The following PTTG1IP variants were observed in gnomAD, a reference collection of about 807,000 sequenced individuals.
PTTG1IP encodes the protein PTTG1 interacting protein, also known as pituitary tumor-transforming gene 1 protein-interacting protein.
In PTTG1IP, 16 loss-of-function variants were observed where a neutral mutation model predicts 24.4. The observed-to-expected ratio is 0.66, with a 90% confidence interval of 0.44 to 1.00. The LOEUF (loss-of-function observed/expected upper bound fraction) is 1.00. Ranked by LOEUF, PTTG1IP falls within the 50% of genes least tolerant of loss-of-function variation. The pLI, the probability that PTTG1IP is intolerant of heterozygous loss-of-function variation, is 0.00. For synonymous variants in PTTG1IP, 89 were observed against 96.8 expected (o/e 0.92, Z 0.47); for missense variants, 241 against 245.8 (o/e 0.98, Z 0.13).
At chr21:44,859,768 C>T (rs956961002) in intron 3 of PTTG1IP, among the ~76,000 whole-genome samples, 1 of 152,180 alleles carries the variant, frequency 6.6e-6, no homozygotes, top group African/African-American at 2.4e-5. Context: ...ACTACAACCA[C>T]CACCACCACA....
At position 44,861,082 on chromosome 21, in the gene PTTG1IP, G is replaced by A. The variant is rs8129155; in HGVS notation, c.277+81C>T. 17,674 of 1,235,946 alleles carry A rather than the reference G, an allele frequency of 0.014. 1,908 individuals carry two copies. The African/African-American group carries it at 0.23, about 16-fold the overall frequency. The allele number at this position is 1,235,946 out of a possible 1,614,324, so 76.6% of individuals were successfully genotyped here. Reference sequence around the variant, plus strand: ...CTCCCAAAGTGCTGGGATTACAGACGTGAGCCACCGCGCCCGGCCCATACT... The same window carrying A: ...CTCCCAAAGTGCTGGGATTACAGACATGAGCCACCGCGCCCGGCCCATACT... On this transcript the variant is annotated intron_variant, in intron 3 of 5. Coordinates refer to ENST00000330938, the MANE Select transcript of PTTG1IP (RefSeq NM_004339.4).
In PTTG1IP at chr21:44,858,179, G is replaced by A. The variant is rs138353220; in HGVS notation, c.278-1815C>T. Among the ~76,000 whole-genome samples the A allele has an allele frequency of 1.1e-3, 171 of 152,344 alleles. 2 individuals are homozygous for A. The highest frequency in any genetic ancestry group is 7.2e-4 in the Non-Finnish European group (49 of 68,036). On this transcript the variant is annotated intron_variant, in intron 3 of 5. Transcript: ENST00000330938. ...CTTTGCCTCTGGACAAACGGCCAAC[G>A]CTGTAGACATTTCATTTTCCTTCAA... is the stretch of plus-strand genomic sequence containing the variant.
chr21:44,867,394 C>T (rs28477838), intron 1 of PTTG1IP, among the ~76,000 whole-genome samples: 14,892 of 149,448 alleles, frequency 0.1, 2,433 homozygotes, highest in African/African-American at 0.35. Flanking sequence ...GTGAGACTCA[C>T]GTATGGAGGG....
In PTTG1IP at chr21:44,873,675, G is replaced by A. The variant is rs551221197; in HGVS notation, c.-59C>T. ...TTACAACTCCGACTCCAGCACAAGCGGTCTCCGCCCGGAACAGCCGCGGCG... is the reference window on the plus strand; with the variant it reads ...TTACAACTCCGACTCCAGCACAAGCAGTCTCCGCCCGGAACAGCCGCGGCG... On this transcript the variant is annotated 5_prime_UTR_variant, in exon 1 of 6. Transcript: ENST00000330938. The A allele has an allele frequency of 7.7e-6, 10 of 1,302,284 alleles. No homozygotes were observed. The African/African-American group carries it at 1.1e-4, about 14-fold the overall frequency. 80.7% of individuals were successfully genotyped at this position (1,302,284 alleles called of 1,614,324 possible).
chr21:44,872,365 G>C (rs968916997), intron 1 of PTTG1IP, among the ~76,000 whole-genome samples: 2 of 152,212 alleles, frequency 1.3e-5, no homozygotes, highest in Non-Finnish European at 2.9e-5. Flanking sequence ...GTCACAAAAA[G>C]AAAAGGTGCT....
chr21:44,857,987 C>A (rs559032988), intron 3 of PTTG1IP, among the ~76,000 whole-genome samples: 27 of 152,308 alleles, frequency 1.8e-4, no homozygotes, highest in South Asian at 4.1e-4. Context: ...AACATATCTA[C>A]CCCTCAGATA....
intron 4 of PTTG1IP, among the ~76,000 whole-genome samples, chr21:44,855,859 G>A (rs1244233457): frequency 2.0e-5 from 3 of 152,186 alleles, no homozygotes; most frequent in African/African-American, 4.8e-5. Flanking sequence ...TGTCCCCTCT[G>A]AGCCTCAGCT....
intron 2 of PTTG1IP, among the ~76,000 whole-genome samples, chr21:44,863,114 T>A (rs1205353076): frequency 2.2e-5 from 3 of 138,530 alleles, no homozygotes; most frequent in Admixed American, 1.5e-4. Flanking sequence ...CGCCACGGCC[T>A]CAGCAGCACA....
At chr21:44,869,157 T>C (rs2083565211) in intron 1 of PTTG1IP, among the ~76,000 whole-genome samples, 1 of 152,212 alleles carries the variant, frequency 6.6e-6, no homozygotes, top group South Asian at 2.1e-4. Flanking sequence ...TCTAGATCAA[T>C]GGAGATTAAA....
Position 44,851,122 on chromosome 21 carries a change from C to T in PTTG1IP, c.*459G>A, listed in dbSNP as rs1038346903. ...TCAAGATGCGCACACAGACGCTGTCCGTGGTTTTATGGGGAATGATGAGGG... is the reference window on the plus strand; with the variant it reads ...TCAAGATGCGCACACAGACGCTGTCTGTGGTTTTATGGGGAATGATGAGGG... On this transcript the variant is annotated 3_prime_UTR_variant, in exon 6 of 6. Transcript: ENST00000330938. The T allele has an allele frequency of 1.4e-5, 7 of 484,456 alleles. No homozygotes were observed. Among genetic ancestry groups the T allele is most frequent in the Admixed American group, 7.0e-5 (2 of 28,434 alleles). 30.0% of individuals were successfully genotyped at this position (484,456 alleles called of 1,614,324 possible). A position where few individuals can be genotyped will look rare whatever the true frequency, so the allele number is the denominator to read the frequency against.
At chr21:44,852,446 G>A (rs572529974) in intron 5 of PTTG1IP, among the ~76,000 whole-genome samples, 2 of 152,190 alleles carry the variant, frequency 1.3e-5, no homozygotes, top group East Asian at 3.9e-4. Context: ...CTCCCAAAGT[G>A]TTGGGATTAC....
chr21:44,856,875 G>A (rs565921478), intron 3 of PTTG1IP, among the ~76,000 whole-genome samples: 8 of 152,204 alleles, frequency 5.3e-5, no homozygotes, highest in African/African-American at 1.9e-4. Context: ...GGCCAGGTTC[G>A]AAAAGAATGA....
At chr21:44,856,416 C>A in intron 3 of PTTG1IP, 52 bp from the exon 4 acceptor site, 1 of 1,549,604 alleles carries the variant, frequency 6.5e-7, no homozygotes, top group Non-Finnish European at 8.8e-7. Context: ...AGAACCCACC[C>A]AGCACAGCAG....
At chr21:44,864,733 G>T (rs1268787816) in intron 2 of PTTG1IP, among the ~76,000 whole-genome samples, 2 of 152,218 alleles carry the variant, frequency 1.3e-5, no homozygotes, top group Non-Finnish European at 2.9e-5. Flanking sequence ...GCACTGTGAT[G>T]CTGCTTCCCC....
intron 3 of PTTG1IP, among the ~76,000 whole-genome samples, chr21:44,858,408 C>T (rs1158408103): frequency 6.6e-6 from 1 of 152,224 alleles, no homozygotes; most frequent in Non-Finnish European, 1.5e-5. Flanking sequence ...CCACTCTGCT[C>T]CCGTGGGCAA....
intron 3 of PTTG1IP, among the ~76,000 whole-genome samples, chr21:44,859,874 T>C (rs2083477128): frequency 6.6e-6 from 1 of 152,172 alleles, no homozygotes; most frequent in Non-Finnish European, 1.5e-5. Flanking sequence ...AGAAGAGTGG[T>C]AAGTAAGACG....
intron 2 of PTTG1IP, among the ~76,000 whole-genome samples, chr21:44,864,240 G>C (rs932682282): frequency 6.6e-6 from 1 of 152,202 alleles, no homozygotes; most frequent in Admixed American, 6.5e-5. Flanking sequence ...CTTCCCTCAG[G>C]TTTCCCGTGC....
chr21:44,856,059 C>T (rs957200272), intron 4 of PTTG1IP, 134 bp downstream of exon 4: 7 of 1,548,608 alleles, frequency 4.5e-6, no homozygotes, highest in South Asian at 1.2e-5. Flanking sequence ...CCTAGAAGAT[C>T]CCCTGGGCAC....
At chr21:44,851,748 G>T (rs1230680135) in intron 5 of PTTG1IP, 121 bp from the exon 6 acceptor site, 2 of 1,218,564 alleles carry the variant, frequency 1.6e-6, no homozygotes, top group Non-Finnish European at 2.3e-6. Context: ...AACGGGCATT[G>T]TAAGCAGGCT....
Sources: allele counts gnomAD v4.1 joint callset (sites outside exome capture counted in the v4.1 genomes callset), GRCh38; gene constraint gnomAD v4.1.1; transcripts MANE v1.5; gene names NCBI Gene and HGNC (gene_info 2026-07-23, HGNC 2026-07-21).